TTC19: variants seen among roughly 807,000 people sequenced by gnomAD.
TTC19 encodes the protein tetratricopeptide repeat protein 19, mitochondrial.
TTC19 carries 38 observed loss-of-function variants against 49.5 expected under a neutral mutation model. The observed-to-expected ratio is 0.77, with a 90% CI of 0.59 to 1.01. The LOEUF (loss-of-function observed/expected upper bound fraction) is 1.01. TTC19 is among the 50% of genes least tolerant of loss of function. The pLI is 0.00. For missense variants in TTC19, 475 were observed against 477.7 expected (o/e 0.99, Z 0.05); for synonymous variants, 204 against 185.2 (o/e 1.10, Z -0.83).
At chr17:16,025,192 A>C in intron 8 of TTC19, 21 bp downstream of exon 8, 1 of 1,610,654 alleles carries the variant, frequency 6.2e-7, no homozygotes, top group Non-Finnish European at 8.5e-7. Flanking sequence ...AAAACACAGA[A>C]GGGGGAATAT....
chr17:16,041,815 C>T (rs965083874), intron 2 of TTC19, among the ~76,000 whole-genome samples: 1 of 152,088 alleles, frequency 6.6e-6, no homozygotes, highest in African/African-American at 2.4e-5. Context: ...TGGCTCACTG[C>T]AAGCTCTGCC....
At chr17:16,022,693 A>C (rs903859547) in intron 7 of TTC19, among the ~76,000 whole-genome samples, 1 of 152,194 alleles carries the variant, frequency 6.6e-6, no homozygotes, top group Non-Finnish European at 1.5e-5. Context: ...AGTTTGATAT[A>C]CTGAACCATT....
chr17:16,033,352 A>AG (rs1972831298), downstream of TTC19, among the ~76,000 whole-genome samples: 1 of 151,754 alleles, frequency 6.6e-6, no homozygotes, highest in Non-Finnish European at 1.5e-5. Flanking sequence ...AAAAAAAAAA[A>AG]AAACCCAAAA....
intron 7 of TTC19, 136 bp downstream of exon 7, chr17:16,006,704 T>C: frequency 1.6e-6 from 1 of 634,808 alleles, no homozygotes; most frequent in Non-Finnish European, 2.8e-6. Flanking sequence ...GTCTTTAAGG[T>C]ATCAGCAGAA....
rs1252635725 is a variant in TTC19, at chr17:16,029,207, A to C, written c.*1685A>C. 4.4e-6 allele frequency: 2 copies of C among 453,674 alleles called. No homozygotes were observed. The highest frequency in any genetic ancestry group is 4.0e-5 in the African/African-American group (2 of 49,942). 28.1% of individuals were successfully genotyped at this position (453,674 alleles called of 1,614,324 possible). ...TATTAATTTTAAATCATCCACAGTG[A>C]CTCAGCTCATGGTCTCGTTGTTGGA... On this transcript the variant is annotated 3_prime_UTR_variant, in exon 10 of 10. Coordinates refer to ENST00000261647, the MANE Select transcript of TTC19 (RefSeq NM_017775.4).
downstream of TTC19, chr17:16,030,440 T>C (rs1971817348): frequency 4.8e-6 from 1 of 209,500 alleles, no homozygotes; most frequent in Non-Finnish European, 9.7e-6. Context: ...ATCTCTTTTA[T>C]GGTAGGTTGG....
chr17:16,002,760 TA>T, intron 3 of TTC19, 32 bp from the exon 4 acceptor site: 1 of 1,610,252 alleles, frequency 6.2e-7, no homozygotes, highest in Non-Finnish European at 8.5e-7. Flanking sequence ...CACAGTATTC[TA>T]AACTGAAAAA....
intron 7 of TTC19, among the ~76,000 whole-genome samples, chr17:16,008,260 G>C (rs796781499): frequency 3.9e-5 from 6 of 152,256 alleles, no homozygotes; most frequent in African/African-American, 1.4e-4. Context: ...ATCTTGACTT[G>C]AAGTCTAATG....
chr17:16,027,303 G>A, intron 9 of TTC19, 71 bp from the exon 10 acceptor site: 1 of 1,572,902 alleles, frequency 6.4e-7, no homozygotes, highest in Non-Finnish European at 8.7e-7. Flanking sequence ...CTGCATTCAT[G>A]CTCTCTCTTC....
chr17:16,027,355 T>G lies in TTC19; in HGVS notation c.995-19T>G. The G allele has an allele frequency of 6.2e-7, 1 of 1,613,670 alleles. No homozygotes were observed. The highest frequency in any genetic ancestry group is 8.5e-7 in the Non-Finnish European group (1 of 1,179,686). ...CATACACTTTCTTCTTACTGTCCCT[T>G]CTCTCTGGGTTATTTTAGAACGATA... On this transcript the variant is annotated intron_variant, in intron 9 of 9. Coordinates refer to ENST00000261647, the MANE Select transcript of TTC19 (RefSeq NM_017775.4).
In TTC19 at chr17:16,027,694, A is replaced by T; in HGVS notation, c.*172A>T. ...ACACACTGCCATTTTTGTATTTTAA[A>T]GGAAAAATGACTTTCATTCCCAACT... is the stretch of plus-strand genomic sequence containing the variant. On this transcript the variant is annotated 3_prime_UTR_variant, in exon 10 of 10. Transcript: ENST00000261647. 1.3e-6 allele frequency: 1 copy of T among 764,984 alleles called. No homozygotes were observed. Among genetic ancestry groups the T allele is most frequent in the Non-Finnish European group, 2.2e-6 (1 of 448,668 alleles). 47.4% of individuals were successfully genotyped at this position (764,984 alleles called of 1,614,324 possible). A position where few individuals can be genotyped will look rare whatever the true frequency, so the allele number is the denominator to read the frequency against.
intron 2 of TTC19, among the ~76,000 whole-genome samples, chr17:16,001,085 G>T (rs1332213058): frequency 1.3e-5 from 2 of 152,054 alleles, no homozygotes; most frequent in South Asian, 2.1e-4. Context: ...CTATGCTCCA[G>T]TAGTCTTTCC....
At position 16,044,636 on chromosome 17, in the gene TTC19, G is replaced by A. The variant is rs1475849082; in HGVS notation, c.*81G>A. The A allele has an allele frequency of 1.9e-5, 12 of 629,576 alleles. No homozygotes were observed. The East Asian group carries it at 2.5e-4, about 13-fold the overall frequency. 39.0% of individuals were successfully genotyped at this position (629,576 alleles called of 1,614,324 possible). A position where few individuals can be genotyped will look rare whatever the true frequency, so the allele number is the denominator to read the frequency against. On this transcript the variant is annotated 3_prime_UTR_variant, in exon 3 of 3. Coordinates refer to the TTC19 transcript ENST00000470649. ...TGCCCATACCATGTCCTCTGTCTCC[G>A]AGCTCGCCTGCATCTACTCAGCCCT...
exon 3 of TTC19, chr17:16,044,571 CG>C: frequency 1.9e-6 from 1 of 520,364 alleles, no homozygotes; most frequent in South Asian, 1.5e-5. Flanking sequence ...TCACTTCATC[CG>C]GCAACTACCA....
intron 2 of TTC19, chr17:16,040,517 GTTAA>G: frequency 6.2e-7 from 1 of 1,607,288 alleles, no homozygotes; most frequent in Non-Finnish European, 8.5e-7. Context: ...AAACATTCAA[GTTAA>G]TTAAGATGTG....
chr17:16,002,643 G>T lies in TTC19; in HGVS notation c.424-150G>T, dbSNP rs115245517. ...AATTCTCACATGATTGCTGTCCTGT[G>T]CTTCTTCTTGCAGATTAATTGGTGA... is the stretch of plus-strand genomic sequence containing the variant. On this transcript the variant is annotated intron_variant, in intron 3 of 9. Transcript: ENST00000261647. 1.7e-3 allele frequency: 1,230 copies of T among 739,506 alleles called. 9 individuals carry two copies. The African/African-American group carries it at 0.019, about 11-fold the overall frequency. The allele number at this position is 739,506 out of a possible 1,614,324, so 45.8% of individuals were successfully genotyped here. A position where few individuals can be genotyped will look rare whatever the true frequency, so the allele number is the denominator to read the frequency against.
chr17:16,011,006 T>G (rs553470877), intron 7 of TTC19, among the ~76,000 whole-genome samples: 1 of 152,340 alleles, frequency 6.6e-6, no homozygotes, highest in South Asian at 2.1e-4. Flanking sequence ...TTGCTTCCTC[T>G]GAAGTTAACT....
chr17:16,007,815 G>A (rs546460860), intron 7 of TTC19, among the ~76,000 whole-genome samples: 204 of 152,166 alleles, frequency 1.3e-3, no homozygotes, highest in Non-Finnish European at 2.3e-3. Flanking sequence ...AATATTTTTC[G>A]GACTCTGGTT....
At chr17:16,038,585 A>G (rs2056914104) in intron 2 of TTC19, among the ~76,000 whole-genome samples, 1 of 152,020 alleles carries the variant, frequency 6.6e-6, no homozygotes, top group Non-Finnish European at 1.5e-5. Context: ...CTACAGCGTG[A>G]GCCACCACAC....
Sources: allele counts gnomAD v4.1 joint callset (sites outside exome capture counted in the v4.1 genomes callset), GRCh38; gene constraint gnomAD v4.1.1; transcripts MANE v1.5; gene names NCBI Gene and HGNC (gene_info 2026-07-23, HGNC 2026-07-21).